Variants in NR6A1 observed in about 807,000 individuals in gnomAD.
The protein encoded by NR6A1 is retinoic acid receptor-related testis-associated receptor.
NR6A1 carries 7 observed loss-of-function variants against 59.1 expected under a neutral mutation model. The observed-to-expected ratio is 0.12, with a 90% CI of 0.07 to 0.22. The LOEUF (loss-of-function observed/expected upper bound fraction) is 0.22. NR6A1 is among the 10% of genes least tolerant of loss of function. NR6A1 has a pLI of 1.00. For synonymous variants in NR6A1, 243 were observed against 236.1 expected (o/e 1.03, Z -0.27); for missense variants, 468 against 611.6 (o/e 0.77, Z 2.48).
intron 2 of NR6A1, among the ~76,000 whole-genome samples, chr9:124,648,760 T>C (rs947679819): frequency 4.7e-5 from 7 of 147,768 alleles, no homozygotes; most frequent in Non-Finnish European, 1.5e-5. Flanking sequence ...TGCTGTAGGA[T>C]ACAAAATCAA....
At chr9:124,540,714 T>C (rs1833416893) in intron 4 of NR6A1, among the ~76,000 whole-genome samples, 1 of 152,112 alleles carries the variant, frequency 6.6e-6, no homozygotes, top group Non-Finnish European at 1.5e-5. Flanking sequence ...CAGGAGATTC[T>C]GGCCTAAGCT....
chr9:124,526,853 T>C lies in NR6A1; in HGVS notation c.1127A>G (p.Tyr376Cys), dbSNP rs534730764. The C allele has an allele frequency of 6.2e-7, 1 of 1,614,080 alleles. No homozygotes were observed. The highest frequency in any genetic ancestry group is 2.2e-5 in the East Asian group (1 of 44,886). ...GACCTTTAGCTGATGGAACTTGTGA[T>C]AGAGGTAGATGAGCCGCTCGATCAC... is the stretch of plus-strand genomic sequence containing the variant. ...MEVIERLIYL[Y>C]HKFHQLKVSN... The change falls in exon 8 of 10, where the codon TAT (tyrosine) becomes TGT (cysteine). Residue 376 changes from tyrosine (Y) to cysteine (C), a missense_variant. Physicochemically the swap from Tyr to Cys is radical, Grantham distance 194. Around this residue, in one of 4 missense-constraint regions of NR6A1, gnomAD observed 176 missense variants for 264.0 expected, o/e 0.67. Coordinates refer to ENST00000487099, the MANE Select transcript of NR6A1 (RefSeq NM_033334.4).
In NR6A1 at chr9:124,518,725, G is replaced by C. The variant is rs761360432; in HGVS notation, c.*3980C>G. 4 of 151,644 alleles carry C rather than the reference G, an allele frequency of 2.6e-5. No individual in the cohort carries two copies. Among genetic ancestry groups the C allele is most frequent in the African/African-American group, 7.3e-5 (3 of 41,288 alleles). The allele number at this position is 151,644 out of a possible 1,614,324, so 9.4% of individuals were successfully genotyped here. Reference sequence around the variant, plus strand: ...GGGAGGCAGGGGAGTAAGAGTAGCGGATTTTTTTGTTAAATTTTGTTTGTT... The same window carrying C: ...GGGAGGCAGGGGAGTAAGAGTAGCGCATTTTTTTGTTAAATTTTGTTTGTT... On this transcript the variant is annotated 3_prime_UTR_variant, in exon 10 of 10. Coordinates refer to ENST00000487099, the MANE Select transcript of NR6A1 (RefSeq NM_033334.4).
chr9:124,548,053 T>A (rs1341746397), intron 3 of NR6A1, among the ~76,000 whole-genome samples: 2 of 142,126 alleles, frequency 1.4e-5, no homozygotes, highest in Admixed American at 1.6e-4. Context: ...CTCAAATGGC[T>A]AAGAAGGTGC....
chr9:124,706,700 T>G (rs1254468670), intron 2 of NR6A1, among the ~76,000 whole-genome samples: 5 of 152,072 alleles, frequency 3.3e-5, no homozygotes, highest in Admixed American at 1.3e-4. Flanking sequence ...GTATTTTTAG[T>G]GGAGAGGGGG....
intron 2 of NR6A1, among the ~76,000 whole-genome samples, chr9:124,637,695 A>G (rs1194114280): frequency 6.6e-6 from 1 of 152,102 alleles, no homozygotes; most frequent in Non-Finnish European, 1.5e-5. Context: ...GTTCGACACC[A>G]GCCTAGCCAA....
At chr9:124,638,295 A>G (rs1274843764) in intron 2 of NR6A1, among the ~76,000 whole-genome samples, 1 of 152,068 alleles carries the variant, frequency 6.6e-6, no homozygotes. Context: ...GGACCCTTTG[A>G]AATCGCTGGC....
chr9:124,751,662 G>C (rs1198485353), intron 1 of NR6A1, among the ~76,000 whole-genome samples: 1 of 152,112 alleles, frequency 6.6e-6, no homozygotes, highest in Non-Finnish European at 1.5e-5. Context: ...TGGTGCCTGG[G>C]ATTAAAAATC....
intron 2 of NR6A1, among the ~76,000 whole-genome samples, chr9:124,654,409 A>G (rs1298572345): frequency 2.0e-5 from 3 of 152,158 alleles, no homozygotes; most frequent in Non-Finnish European, 4.4e-5. Flanking sequence ...ACAAGGTCCT[A>G]TGTGATAGGG....
In NR6A1 at chr9:124,605,489, G is replaced by A. The variant is rs563075501; in HGVS notation, c.143-50919C>T. ...CTGCATTCCAGCCACTCCAGCTTGG[G>A]TGACAGAGCAAGAGTGAGAGTCTGT... On this transcript the variant is annotated intron_variant, in intron 2 of 9. Transcript: ENST00000487099. Among the ~76,000 whole-genome samples, 23 of 152,204 alleles carry A rather than the reference G, an allele frequency of 1.5e-4. 1 individual carries two copies. The highest frequency in any genetic ancestry group is 5.1e-4 in the African/African-American group (21 of 41,538).
At chr9:124,646,949 CTG>C (rs1389696267) in intron 2 of NR6A1, among the ~76,000 whole-genome samples, 2 of 152,214 alleles carry the variant, frequency 1.3e-5, no homozygotes, top group African/African-American at 4.8e-5. Flanking sequence ...GAATCTCACT[CTG>C]TTGCCCAGGC....
intron 2 of NR6A1, among the ~76,000 whole-genome samples, chr9:124,711,851 T>C (rs1353592822): frequency 6.6e-6 from 1 of 152,180 alleles, no homozygotes. Context: ...GGTCTTGAAC[T>C]CTGCAGCTCA....
chr9:124,693,848 TA>T (rs778639540), intron 2 of NR6A1: 1 of 516,096 alleles, frequency 1.9e-6, no homozygotes, highest in East Asian at 5.6e-5. Flanking sequence ...GTGCAGCAGC[TA>T]CTGCTGTGAG....
At chr9:124,624,425 C>T (rs918401748) in intron 2 of NR6A1, among the ~76,000 whole-genome samples, 10 of 152,192 alleles carry the variant, frequency 6.6e-5, no homozygotes, top group East Asian at 3.8e-4. Context: ...TGAAAAGACA[C>T]CTTTTCTATT....
At chr9:124,525,027 G>C (rs558887012) in intron 8 of NR6A1, among the ~76,000 whole-genome samples, 154 bp from the exon 9 acceptor site, 1 of 152,088 alleles carries the variant, frequency 6.6e-6, no homozygotes, top group Admixed American at 6.5e-5. Context: ...GAGGAACTAA[G>C]TTCTACCTAA....
chr9:124,725,677 C>G (rs2131107371), intron 2 of NR6A1, among the ~76,000 whole-genome samples: 1 of 152,308 alleles, frequency 6.6e-6, no homozygotes, highest in Non-Finnish European at 1.5e-5. Flanking sequence ...GGGGCTCGGC[C>G]TGGTAATCCC....
At chr9:124,568,186 A>AAG (rs1427921423) in intron 2 of NR6A1, among the ~76,000 whole-genome samples, 2 of 148,134 alleles carry the variant, frequency 1.4e-5, no homozygotes, top group Non-Finnish European at 3.0e-5. Flanking sequence ...AAAAAAAAAA[A>AAG]AAAAAAAAAG....
intron 1 of NR6A1, among the ~76,000 whole-genome samples, chr9:124,769,945 G>A (rs1039786738): frequency 2.6e-5 from 4 of 152,194 alleles, no homozygotes; most frequent in Non-Finnish European, 5.9e-5. Context: ...ACACCGAGGA[G>A]GAAAATATCA....
chr9:124,525,020 G>T, intron 8 of NR6A1, 147 bp from the exon 9 acceptor site: 1 of 928,890 alleles, frequency 1.1e-6, no homozygotes. Flanking sequence ...TGATAGGGAG[G>T]AACTAAGTTC....
Sources: allele counts gnomAD v4.1 joint callset (sites outside exome capture counted in the v4.1 genomes callset), GRCh38; gene constraint gnomAD v4.1.1; regional missense constraint gnomAD v4.1.1; transcripts MANE v1.5; gene names NCBI Gene and HGNC (gene_info 2026-07-23, HGNC 2026-07-21).